The following TBC1D5 variants were observed in gnomAD, a reference collection of about 807,000 sequenced individuals.
TBC1D5 encodes TBC1 domain family, member 5.
A neutral mutation model predicts 100.3 loss-of-function variants in TBC1D5; 75 were observed. The observed-to-expected ratio is 0.75, with a 90% CI of 0.62 to 0.91. The LOEUF (loss-of-function observed/expected upper bound fraction) is 0.91. TBC1D5 is among the 40% of genes least tolerant of loss of function. The pLI is 0.00. For missense variants in TBC1D5, 910 were observed against 942.4 expected (o/e 0.97, Z 0.45); for synonymous variants, 323 against 325.6 (o/e 0.99, Z 0.09).
intron 2 of TBC1D5, among the ~76,000 whole-genome samples, chr3:17,609,463 T>C (rs971980251): frequency 4.0e-4 from 61 of 152,302 alleles, no homozygotes; most frequent in African/African-American, 1.4e-3. Context: ...TTCTTCCTCT[T>C]GTTTCTATAA....
chr3:17,292,150 T>C, intron 14 of TBC1D5, 149 bp from the exon 15 acceptor site: 1 of 668,292 alleles, frequency 1.5e-6, no homozygotes, highest in East Asian at 2.9e-5. Flanking sequence ...AAGGGATCTT[T>C]ACCAAATTGC....
intron 16 of TBC1D5, among the ~76,000 whole-genome samples, chr3:17,246,714 C>A (rs1009351529): frequency 6.6e-6 from 1 of 152,178 alleles, no homozygotes. Flanking sequence ...TCAACCTTTA[C>A]CTCATTTTAC....
intron 2 of TBC1D5, among the ~76,000 whole-genome samples, chr3:17,571,353 C>T (rs1428202547): frequency 1.3e-5 from 2 of 151,864 alleles, no homozygotes; most frequent in African/African-American, 2.4e-5. Flanking sequence ...TCAATTCACA[C>T]GATTGGATTT....
intron 16 of TBC1D5, among the ~76,000 whole-genome samples, chr3:17,245,053 C>A (rs1455503195): frequency 6.7e-6 from 1 of 149,198 alleles, no homozygotes; most frequent in Non-Finnish European, 1.5e-5. Context: ...AAAAGCCAGC[C>A]ATGGTGGTGT....
At chr3:17,306,673 A>T (rs545803846) in intron 14 of TBC1D5, among the ~76,000 whole-genome samples, 29 of 152,324 alleles carry the variant, frequency 1.9e-4, no homozygotes, top group African/African-American at 6.3e-4. Flanking sequence ...AACTGTTTAC[A>T]ATTACAGAAA....
intron 13 of TBC1D5, among the ~76,000 whole-genome samples, chr3:17,325,585 G>C (rs1437896448): frequency 6.6e-6 from 1 of 152,140 alleles, no homozygotes; most frequent in African/African-American, 2.4e-5. Flanking sequence ...GCCTCCCAAA[G>C]TGCTGGGATT....
At chr3:17,366,126 C>T (rs746516861) in intron 13 of TBC1D5, among the ~76,000 whole-genome samples, 4 of 151,872 alleles carry the variant, frequency 2.6e-5, no homozygotes, top group Non-Finnish European at 5.9e-5. Context: ...CTTGTCTTTA[C>T]CAAAAATACA....
At chr3:17,164,217 A>G (rs2066368935) in intron 21 of TBC1D5, among the ~76,000 whole-genome samples, 1 of 152,234 alleles carries the variant, frequency 6.6e-6, no homozygotes, top group African/African-American at 2.4e-5. Context: ...GAATTCCCAC[A>G]AAGGAAGAAC....
rs9832019 is a variant in TBC1D5 at position 17,388,632 on chromosome 3, T to C, written c.510-4617A>G. Reference sequence around the variant, plus strand: ...GAAAGGTCAAGGCAGGAGGATCCCTTGAGCCCAGGGGTTTGAGACCAGCTT... The same window carrying C: ...GAAAGGTCAAGGCAGGAGGATCCCTCGAGCCCAGGGGTTTGAGACCAGCTT... On this transcript the variant is annotated intron_variant, in intron 8 of 21. Transcript: ENST00000253692. Among the ~76,000 whole-genome samples the C allele has an allele frequency of 1.1e-3, 168 of 149,126 alleles. 1 individual carries two copies. The highest frequency in any genetic ancestry group is 4.0e-3 in the African/African-American group (159 of 40,130).
chr3:17,173,461 A>T (rs558082753), intron 19 of TBC1D5, among the ~76,000 whole-genome samples: 6 of 152,258 alleles, frequency 3.9e-5, no homozygotes, highest in Admixed American at 1.3e-4. Context: ...AGCATTTTGG[A>T]GCACTGGCAA....
At chr3:17,282,931 T>TACAA (rs2080766894) in intron 15 of TBC1D5, among the ~76,000 whole-genome samples, 3 of 152,202 alleles carry the variant, frequency 2.0e-5, no homozygotes, top group Non-Finnish European at 4.4e-5. Flanking sequence ...ATGTACAAGG[T>TACAA]ATTAAGGGCG....
intron 1 of TBC1D5, among the ~76,000 whole-genome samples, chr3:17,679,364 G>A (rs556298627): frequency 6.6e-6 from 1 of 151,008 alleles, no homozygotes; most frequent in East Asian, 1.9e-4. Context: ...CTGAACACTG[G>A]GCAACATAAA....
At chr3:17,589,571 C>T (rs1237668123) in intron 2 of TBC1D5, among the ~76,000 whole-genome samples, 1 of 152,214 alleles carries the variant, frequency 6.6e-6, no homozygotes, top group African/African-American at 2.4e-5. Context: ...TCACCTTCCA[C>T]CATGATTGTG....
At chr3:17,484,679 T>C (rs1198564514) in intron 3 of TBC1D5, among the ~76,000 whole-genome samples, 1 of 152,018 alleles carries the variant, frequency 6.6e-6, no homozygotes, top group Non-Finnish European at 1.5e-5. Context: ...AGATAGGGTC[T>C]TCCCTGTATT....
chr3:17,635,404 G>C (rs2063817986), intron 1 of TBC1D5, among the ~76,000 whole-genome samples: 1 of 152,144 alleles, frequency 6.6e-6, no homozygotes, highest in African/African-American at 2.4e-5. Flanking sequence ...GTCAAGGCTG[G>C]GTGTGGTGTC....
At chr3:17,245,985 A>T (rs2076704737) in intron 16 of TBC1D5, among the ~76,000 whole-genome samples, 1 of 152,194 alleles carries the variant, frequency 6.6e-6, no homozygotes. Context: ...AAATGTTCAC[A>T]CTTTGGGAAG....
chr3:17,160,935 C>A (rs773171231), exon 22 of TBC1D5: 1 of 1,595,798 alleles, frequency 6.3e-7, no homozygotes, highest in Non-Finnish European at 8.6e-7. Flanking sequence ...GTGGCTAGAT[C>A]CCTGTGGGGC....
chr3:17,727,372 C>T (rs898632991), intron 1 of TBC1D5, among the ~76,000 whole-genome samples: 6 of 152,042 alleles, frequency 3.9e-5, no homozygotes, highest in Non-Finnish European at 8.8e-5. Flanking sequence ...CAGAGTGAGA[C>T]TCGGTCTCAA....
intron 19 of TBC1D5, among the ~76,000 whole-genome samples, chr3:17,173,411 C>A (rs955643365): frequency 6.6e-6 from 1 of 152,154 alleles, no homozygotes; most frequent in African/African-American, 2.4e-5. Flanking sequence ...CAGGCAGTTA[C>A]CTATACGCAC....
Sources: gnomAD v4.1 joint callset for allele counts (sites outside exome capture counted in the v4.1 genomes callset) on GRCh38, gnomAD v4.1.1 for gene constraint, MANE v1.5 for transcripts, NCBI Gene and HGNC (gene_info 2026-07-23, HGNC 2026-07-21) for gene names.